Variants in CREBRF observed in about 807,000 individuals in gnomAD.
CREBRF encodes UPF0474 protein C5orf41.
Under a neutral mutation model 66.1 loss-of-function variants are expected in CREBRF, and 5 were observed. The ratio of observed to expected loss-of-function variants is 0.08; its 90% CI spans 0.04 to 0.16. The LOEUF (loss-of-function observed/expected upper bound fraction) is 0.16, where lower values mean the gene tolerates loss of function less well. Among genes scored for constraint, CREBRF ranks in the 10% least tolerant of loss-of-function variants. The pLI, the probability that CREBRF is intolerant of heterozygous loss-of-function variation, is 1.00. For missense variants in CREBRF, 531 were observed against 744.9 expected (o/e 0.71, Z 3.34); for synonymous variants, 229 against 264.4 (o/e 0.87, Z 1.30).
At chr5:173,099,622 T>A (rs1001523330) in intron 4 of CREBRF, among the ~76,000 whole-genome samples, 4 of 152,198 alleles carry the variant, frequency 2.6e-5, no homozygotes, top group African/African-American at 9.7e-5. Context: ...GTCCTTTTGT[T>A]ACTTCCTCTC....
At chr5:173,057,177 C>T (rs896709105) in intron 1 of CREBRF, among the ~76,000 whole-genome samples, 1 of 151,968 alleles carries the variant, frequency 6.6e-6, no homozygotes, top group Non-Finnish European at 1.5e-5. Flanking sequence ...GTGGCAGGCT[C>T]TGGCGTCCAA....
intron 8 of CREBRF, chr5:173,123,477 A>T: frequency 3.2e-6 from 1 of 311,718 alleles, no homozygotes; most frequent in Non-Finnish European, 5.9e-6. Context: ...GGAGGACAAA[A>T]GGTCCCAGAG....
chr5:173,098,469 T>C (rs1411813280), intron 4 of CREBRF, among the ~76,000 whole-genome samples: 2 of 152,188 alleles, frequency 1.3e-5, no homozygotes, highest in Non-Finnish European at 2.9e-5. Context: ...TCATACTTGG[T>C]ATTATTTCAG....
At chr5:173,102,432 G>A (rs747736819) in intron 4 of CREBRF, among the ~76,000 whole-genome samples, 1 of 152,104 alleles carries the variant, frequency 6.6e-6, no homozygotes, top group African/African-American at 2.4e-5. Context: ...GGCTCTGCAG[G>A]CAAGTTTGCT....
chr5:173,108,948 G>C (rs1758810861), intron 5 of CREBRF, 130 bp downstream of exon 5: 1 of 747,110 alleles, frequency 1.3e-6, no homozygotes, highest in Non-Finnish European at 2.2e-6. Flanking sequence ...CTGTAGAGCT[G>C]CTACATTTGT....
At chr5:173,115,770 A>G (rs1758975074) in intron 7 of CREBRF, among the ~76,000 whole-genome samples, 1 of 151,702 alleles carries the variant, frequency 6.6e-6, no homozygotes, top group South Asian at 2.1e-4. Flanking sequence ...ACGCCCGGCT[A>G]ATTTTATTTT....
rs531292400 is a variant in CREBRF at position 173,089,222 on chromosome 5, C to T, written c.136-1093C>T. ...AAAAAACCCATACACAGACAACACA[C>T]ACACACACACACACACCCCAAAAAT... On this transcript the variant is annotated intron_variant, in intron 3 of 8. Coordinates refer to ENST00000296953, the MANE Select transcript of CREBRF (RefSeq NM_153607.3). Among the ~76,000 whole-genome samples the T allele has an allele frequency of 3.0e-3, 447 of 148,306 alleles. 3 individuals are homozygous for T. Among genetic ancestry groups the T allele is most frequent in the African/African-American group, 0.011 (436 of 40,272 alleles).
At chr5:173,067,622 G>A (rs924737083) in intron 1 of CREBRF, among the ~76,000 whole-genome samples, 19 of 152,140 alleles carry the variant, frequency 1.2e-4, no homozygotes, top group African/African-American at 4.6e-4. Context: ...AAACACTAAT[G>A]CAACTGATTT....
chr5:173,082,003 G>GGTTTTTTTTTTTTTTTTTT (rs1757959628), intron 2 of CREBRF, among the ~76,000 whole-genome samples: 1 of 78,046 alleles, frequency 1.3e-5, no homozygotes, highest in Non-Finnish European at 2.5e-5. Flanking sequence ...TCAAGGTTTA[G>GGTTTTTTTTTTTTTTTTTT]TTTTTTTTTT....
At chr5:173,106,997 A>G (rs903024562) in intron 4 of CREBRF, among the ~76,000 whole-genome samples, 1 of 152,182 alleles carries the variant, frequency 6.6e-6, no homozygotes, top group African/African-American at 2.4e-5. Flanking sequence ...TGATCCGCCC[A>G]CCTTGGCCTC....
chr5:173,131,431 G>A (rs1468744063), intron 8 of CREBRF, among the ~76,000 whole-genome samples: 2 of 152,026 alleles, frequency 1.3e-5, no homozygotes, highest in Admixed American at 1.3e-4. Context: ...ATCATGCATT[G>A]CATTTAGTCA....
intron 7 of CREBRF, among the ~76,000 whole-genome samples, chr5:173,119,740 CT>C (rs955816000): frequency 1.3e-5 from 2 of 152,072 alleles, no homozygotes; most frequent in African/African-American, 2.4e-5. Context: ...TTGTGTTGTA[CT>C]TTTTTGTAGA....
At chr5:173,083,716 A>T (rs1758040375) in intron 2 of CREBRF, among the ~76,000 whole-genome samples, 1 of 152,168 alleles carries the variant, frequency 6.6e-6, no homozygotes, top group Non-Finnish European at 1.5e-5. Flanking sequence ...CTGATAGTTA[A>T]AATAGTGTTG....
chr5:173,097,976 A>G (rs1023644328), intron 4 of CREBRF, among the ~76,000 whole-genome samples: 7 of 146,570 alleles, frequency 4.8e-5, no homozygotes, highest in African/African-American at 1.5e-4. Flanking sequence ...TTTATTTGAG[A>G]TCTTTTTTTT....
rs1370881808 is a variant in CREBRF at position 173,123,149 on chromosome 5, A to G, written c.1751A>G (p.Glu584Gly). The change falls in exon 8 of 9, where the codon GAG becomes GGG. Residue 584 changes from glutamate to glycine, a missense_variant. Physicochemically the swap from Glu to Gly is moderately conservative, Grantham distance 98. Around this residue, in one of 5 missense-constraint regions of CREBRF, gnomAD observed 64 missense variants for 111.3 expected, o/e 0.58. Coordinates refer to ENST00000296953, the MANE Select transcript of CREBRF (RefSeq NM_153607.3). Reference protein sequence around the residue: ...IVNRVQNPRDERGPNMGQKLE... With the variant: ...IVNRVQNPRDGRGPNMGQKLE... ...AACCGGGTACAGAATCCAAGAGATGAGAGAGGACCCAACATGGGGCAGAAG... is the reference window on the plus strand; with the variant it reads ...AACCGGGTACAGAATCCAAGAGATGGGAGAGGACCCAACATGGGGCAGAAG... 1 of 1,605,520 alleles carries G rather than the reference A, an allele frequency of 6.2e-7. No individual in the cohort carries two copies. The highest frequency in any genetic ancestry group is 8.5e-7 in the Non-Finnish European group (1 of 1,177,904).
intron 3 of CREBRF, among the ~76,000 whole-genome samples, chr5:173,089,345 C>A (rs1354165637): frequency 2.0e-5 from 3 of 151,956 alleles, no homozygotes; most frequent in Non-Finnish European, 4.4e-5. Flanking sequence ...CTAACAGGTT[C>A]TTTTCCATGC....
At chr5:173,068,227 T>G in intron 1 of CREBRF, 1 of 404,858 alleles carries the variant, frequency 2.5e-6, no homozygotes, top group Non-Finnish European at 5.0e-6. Context: ...GGAACTAGGT[T>G]CAGGTTACTC....
At chr5:173,110,120 T>G in intron 5 of CREBRF, 1 of 242,326 alleles carries the variant, frequency 4.1e-6, no homozygotes. Flanking sequence ...ACATCTTGGT[T>G]TGTGTAAAAT....
rs1473692271 is a variant in CREBRF at position 173,133,801 on chromosome 5, G to A, written c.*56G>A. On this transcript the variant is annotated 3_prime_UTR_variant, in exon 9 of 9. Transcript: ENST00000296953. ...TCTGCGTTTTGTCACGTTATCCATT[G>A]TAAATTTTCATTCTGTTTTGCATGT... 2.2e-6 allele frequency: 2 copies of A among 916,324 alleles called. No individual in the cohort carries two copies. Among genetic ancestry groups the A allele is most frequent in the Non-Finnish European group, 3.5e-6 (2 of 579,058 alleles). The allele number at this position is 916,324 out of a possible 1,614,324, so 56.8% of individuals were successfully genotyped here. A position where few individuals can be genotyped will look rare whatever the true frequency, so the allele number is the denominator to read the frequency against.
Sources: gnomAD v4.1 joint callset for allele counts (sites outside exome capture counted in the v4.1 genomes callset) on GRCh38, gnomAD v4.1.1 for gene constraint, gnomAD v4.1.1 regional missense constraint, MANE v1.5 for transcripts, NCBI Gene and HGNC (gene_info 2026-07-23, HGNC 2026-07-21) for gene names.